Variants in CPT1A observed in about 807,000 individuals in gnomAD.
The protein encoded by CPT1A is carnitine palmitoyltransferase 1A.
In CPT1A, 64 loss-of-function variants were observed where a neutral mutation model predicts 100.8. That is an observed-to-expected ratio of 0.63 (90% CI 0.52 to 0.78). CPT1A has a LOEUF of 0.78. Ranked by LOEUF, CPT1A falls within the 30% of genes least tolerant of loss-of-function variation. The pLI is 0.00. For synonymous variants in CPT1A, 363 were observed against 396.0 expected (o/e 0.92, Z 0.99); for missense variants, 802 against 1,034.1 (o/e 0.78, Z 3.08).
intron 11 of CPT1A, among the ~76,000 whole-genome samples, chr11:68,781,537 T>G (rs868277293): frequency 6.6e-6 from 1 of 152,106 alleles, no homozygotes; most frequent in Admixed American, 6.6e-5. Context: ...GGAGAATCGC[T>G]TGAACCTGGG....
intron 1 of CPT1A, among the ~76,000 whole-genome samples, chr11:68,827,038 G>A (rs1427386531): frequency 6.6e-6 from 1 of 152,094 alleles, no homozygotes; most frequent in African/African-American, 2.4e-5. Flanking sequence ...CCAGGTGGAA[G>A]AACGCCAGTC....
chr11:68,813,623 G>T (rs888694311), intron 2 of CPT1A, among the ~76,000 whole-genome samples: 2 of 149,230 alleles, frequency 1.3e-5, no homozygotes, highest in Admixed American at 1.4e-4. Flanking sequence ...GATTGCCTGA[G>T]CCCAGTGAGG....
intron 9 of CPT1A, among the ~76,000 whole-genome samples, chr11:68,791,819 G>C (rs941963860): frequency 4.6e-5 from 7 of 152,102 alleles, no homozygotes; most frequent in Non-Finnish European, 1.0e-4. Flanking sequence ...TTACAGGCGT[G>C]AGCCACCGCG....
intron 9 of CPT1A, chr11:68,785,844 GAGAA>G (rs988735858): frequency 1.6e-5 from 9 of 547,740 alleles, no homozygotes; most frequent in African/African-American, 9.7e-5. Flanking sequence ...GAAATGTTCT[GAGAA>G]AGAAAGTGGA....
intron 12 of CPT1A, 95 bp from the exon 13 acceptor site, chr11:68,775,527 T>C: frequency 9.9e-7 from 1 of 1,011,716 alleles, no homozygotes; most frequent in Non-Finnish European, 1.6e-6. Flanking sequence ...TGCAGAGATG[T>C]TACAAAGTTT....
Position 68,781,757 on chromosome 11 carries a change from G to T in CPT1A, c.1352+14C>A, listed in dbSNP as rs777403181. 2.0e-5 allele frequency: 32 copies of T among 1,613,804 alleles called. No individual in the cohort carries two copies. The Admixed American group carries it at 5.0e-4, about 25-fold the overall frequency. The stretch of plus-strand genomic sequence containing the variant: ...ATGGGCAAACTCCTGTCTCTCAGAA[G>T]GTAAGGACGGTACCTGTCGTAACAT... On this transcript the variant is annotated intron_variant, in intron 11 of 18. Coordinates refer to ENST00000265641, the MANE Select transcript of CPT1A (RefSeq NM_001876.4).
At chr11:68,788,703 A>G (rs944725721) in intron 9 of CPT1A, among the ~76,000 whole-genome samples, 2 of 151,906 alleles carry the variant, frequency 1.3e-5, no homozygotes, top group African/African-American at 4.8e-5. Context: ...AATAAGGAAA[A>G]GATACACATC....
chr11:68,843,026 T>C (rs1220319413), upstream of CPT1A, among the ~76,000 whole-genome samples: 1 of 152,248 alleles, frequency 6.6e-6, no homozygotes, highest in Non-Finnish European at 1.5e-5. This position sits in a 1 kb window ranked among gnomAD's most constrained non-coding sequence, Gnocchi z 4.0. Flanking sequence ...CTTCTAGTTA[T>C]GAAAAAATCC....
chr11:68,796,825 G>A lies in CPT1A; in HGVS notation c.771+31C>T, dbSNP rs114802513. On this transcript the variant is annotated intron_variant, in intron 7 of 18. Transcript: ENST00000265641. ...ACAGACCCGCCGCCCCACCGTCCTC[G>A]TCAGACAGCAGCCCGGGCGGGTGGA... 965 of 1,609,584 alleles carry A rather than the reference G, an allele frequency of 6.0e-4. 8 individuals are homozygous for A. In the African/African-American group the frequency reaches 0.011, roughly 19 times the overall value.
intron 6 of CPT1A, among the ~76,000 whole-genome samples, chr11:68,798,287 A>G (rs1855809349): frequency 6.6e-6 from 1 of 152,122 alleles, no homozygotes. Context: ...GTGTGCGGAG[A>G]GCTGTGCAGA....
At chr11:68,828,064 T>C (rs1856777974) in intron 1 of CPT1A, among the ~76,000 whole-genome samples, 1 of 152,168 alleles carries the variant, frequency 6.6e-6, no homozygotes, top group South Asian at 2.1e-4. Context: ...GAGCATAGTG[T>C]TCGTGGGCAC....
At chr11:68,835,882 C>T (rs115196246) in intron 1 of CPT1A, among the ~76,000 whole-genome samples, 13 of 152,316 alleles carry the variant, frequency 8.5e-5, no homozygotes, top group African/African-American at 3.1e-4. Context: ...GCAGGATGCC[C>T]TTACCTCCTC....
chr11:68,771,017 G>C (rs1854973490), intron 14 of CPT1A, among the ~76,000 whole-genome samples: 6 of 152,226 alleles, frequency 3.9e-5, no homozygotes, highest in Admixed American at 3.9e-4. Context: ...GCTCGCTCCT[G>C]CCAAGTACAT....
At chr11:68,796,522 C>G (rs886710206) in intron 7 of CPT1A, among the ~76,000 whole-genome samples, 1 of 152,082 alleles carries the variant, frequency 6.6e-6, no homozygotes, top group South Asian at 2.1e-4. Context: ...TGCCATTGCA[C>G]TCCAGCCTGG....
chr11:68,828,171 G>T (rs543603052), intron 1 of CPT1A, among the ~76,000 whole-genome samples: 4 of 152,218 alleles, frequency 2.6e-5, no homozygotes, highest in African/African-American at 9.6e-5. Flanking sequence ...TGCCCTCTTT[G>T]CCCTTGCTGA....
rs182451427 is a variant in CPT1A at position 68,812,574 on chromosome 11, G to A, written c.144C>T (p.Asn48=). The part of the protein sequence containing the change: ...SWKKKFIRFK[N]GIITGVYPAS... The stretch of plus-strand genomic sequence containing the variant: ...CCGGGTACACGCCAGTGATGATGCC[G>A]TTCTAAAGACAGACACCCGGGCCGT... The change falls in exon 3 of 19, where the codon AAC becomes AAT. Residue 48 remains asparagine, a splice_region_variant and synonymous_variant. Transcript: ENST00000265641. 219 of 1,614,092 alleles carry A rather than the reference G, an allele frequency of 1.4e-4. No homozygotes were observed. The highest frequency in any genetic ancestry group is 1.2e-3 in the Admixed American group (75 of 60,006).
At chr11:68,760,189 G>A (rs775818327) in intron 17 of CPT1A, 36 bp downstream of exon 17, 30 of 1,451,346 alleles carry the variant, frequency 2.1e-5, no homozygotes, top group Non-Finnish European at 2.7e-5. Flanking sequence ...CCATCACCAC[G>A]CCCCACTGCG....
chr11:68,823,790 AAAAG>A (rs113830868), intron 1 of CPT1A, among the ~76,000 whole-genome samples: 50 of 151,174 alleles, frequency 3.3e-4, no homozygotes, highest in Admixed American at 5.9e-4. Context: ...ACTCTGTCTC[AAAAG>A]AAAGAAAGAA....
In CPT1A at chr11:68,773,402, T is replaced by C; in HGVS notation, c.1603A>G (p.Asn535Asp). Residue 535 changes from asparagine to aspartate, a missense_variant, in exon 14 of 19, where the codon AAC (asparagine) becomes GAC (aspartate). Physicochemically the swap from Asn to Asp is conservative, Grantham distance 23. Around this residue, in one of 4 missense-constraint regions of CPT1A, gnomAD observed 627 missense variants for 799.3 expected, o/e 0.78. Coordinates refer to ENST00000265641, the MANE Select transcript of CPT1A (RefSeq NM_001876.4). ...ECQEVIETSL[N>D]TANLLANDVD... ...TCGTTTGCCAGAAGATTTGCGGTGT[T>C]CAGGGAGGTCTCTATAACCTCTTGA... 1.9e-6 allele frequency: 3 copies of C among 1,614,028 alleles called. No individual in the cohort carries two copies. The highest frequency in any genetic ancestry group is 2.5e-6 in the Non-Finnish European group (3 of 1,179,926).
Sources: gnomAD v4.1 joint callset for allele counts (sites outside exome capture counted in the v4.1 genomes callset) on GRCh38, gnomAD v4.1.1 for gene constraint, gnomAD v4.1.1 regional missense constraint, Gnocchi (gnomAD v3.1) non-coding constraint, MANE v1.5 for transcripts, NCBI Gene and HGNC (gene_info 2026-07-23, HGNC 2026-07-21) for gene names.